The following FOXP2 variants were observed in gnomAD, a reference collection of about 807,000 sequenced individuals.
FOXP2 encodes forkhead box protein P2.
A neutral mutation model predicts 115.8 loss-of-function variants in FOXP2; 12 were observed. The ratio of observed to expected loss-of-function variants is 0.10; its 90% CI spans 0.07 to 0.17. The LOEUF is 0.17. Among genes scored for constraint, FOXP2 ranks in the 10% least tolerant of loss-of-function variants. FOXP2 has a pLI of 1.00. For missense variants in FOXP2, 629 were observed against 843.5 expected (o/e 0.75, Z 3.15); for synonymous variants, 328 against 297.7 (o/e 1.10, Z -1.05).
At chr7:114,246,207 TA>T (rs1212245043) in intron 1 of FOXP2, among the ~76,000 whole-genome samples, 1 of 152,102 alleles carries the variant, frequency 6.6e-6, no homozygotes, top group African/African-American at 2.4e-5. Flanking sequence ...TTTCTAAAGC[TA>T]AAATACCACT....
chr7:114,594,200 C>T (rs955497082), intron 3 of FOXP2, among the ~76,000 whole-genome samples: 6 of 151,820 alleles, frequency 4.0e-5, no homozygotes, highest in Non-Finnish European at 5.9e-5. Flanking sequence ...TACATAATTC[C>T]TTCATACAAT....
At chr7:114,685,780 G>T (rs1333221280) in intron 16 of FOXP2, among the ~76,000 whole-genome samples, 1 of 152,062 alleles carries the variant, frequency 6.6e-6, no homozygotes, top group African/African-American at 2.4e-5. Flanking sequence ...TCTTATATCT[G>T]TGATACTCCT....
chr7:114,271,747 C>A (rs1796056298), intron 1 of FOXP2, among the ~76,000 whole-genome samples: 2 of 111,810 alleles, frequency 1.8e-5, no homozygotes, highest in African/African-American at 3.7e-5. Context: ...AATACATATG[C>A]ATTAAATATA....
In FOXP2 at chr7:114,659,654, G is replaced by A. The variant is rs1158865993; in HGVS notation, c.1628G>A (p.Arg543His). Reference sequence around the variant, plus strand: ...ACACGGACATTTGCTTACTTCAGGCGTAATGCAGCAACTTGGAAGGTAACT... The same window carrying A: ...ACACGGACATTTGCTTACTTCAGGCATAATGCAGCAACTTGGAAGGTAACT... ...WFTRTFAYFR[R>H]NAATWKNAVR... The change falls in exon 13 of 17, where the codon CGT becomes CAT. Residue 543 changes from arginine to histidine, a missense_variant. This residue lies in a region of FOXP2 where 26 missense variants were observed against 61.1 expected (regional missense o/e 0.43). Transcript: ENST00000350908. The A allele has an allele frequency of 5.6e-6, 9 of 1,613,532 alleles. No homozygotes were observed. Among genetic ancestry groups the A allele is most frequent in the African/African-American group, 1.3e-5 (1 of 75,004 alleles).
At chr7:114,565,488 A>T (rs1424321248) in intron 3 of FOXP2, among the ~76,000 whole-genome samples, 1 of 152,160 alleles carries the variant, frequency 6.6e-6, no homozygotes, top group Non-Finnish European at 1.5e-5. Flanking sequence ...ATATCCCTGG[A>T]CGCTATACCA....
chr7:114,622,020 G>A (rs541813290), intron 3 of FOXP2, among the ~76,000 whole-genome samples: 2 of 152,044 alleles, frequency 1.3e-5, no homozygotes, highest in East Asian at 3.9e-4. Flanking sequence ...CAACCAAAGG[G>A]TATAGTAAAT....
rs1184139348 is a variant in FOXP2, at chr7:114,690,833, A to G, written c.*907A>G. The G allele has an allele frequency of 2.2e-6, 1 of 454,542 alleles. No homozygotes were observed. Among genetic ancestry groups the G allele is most frequent in the East Asian group, 6.9e-5 (1 of 14,394 alleles). 28.2% of individuals were successfully genotyped at this position (454,542 alleles called of 1,614,324 possible). On this transcript the variant is annotated 3_prime_UTR_variant, in exon 17 of 17. Coordinates refer to ENST00000350908, the MANE Select transcript of FOXP2 (RefSeq NM_014491.4). ...TCAGCCTTCTGTAACTTCAATTAGT[A>G]CAAAGGAACCTTTTCCATGAACTAC... is the stretch of plus-strand genomic sequence containing the variant.
At chr7:114,229,732 A>G (rs1278090711) in intron 1 of FOXP2, among the ~76,000 whole-genome samples, 1 of 151,696 alleles carries the variant, frequency 6.6e-6, no homozygotes, top group African/African-American at 2.4e-5. Context: ...GACTTATGGA[A>G]TGTCACAAAA....
intron 2 of FOXP2, among the ~76,000 whole-genome samples, chr7:114,530,209 C>T (rs1365326281): frequency 2.6e-5 from 4 of 151,766 alleles, no homozygotes; most frequent in Non-Finnish European, 5.9e-5. Flanking sequence ...TATCTGAAAC[C>T]AATTACAGGA....
intron 3 of FOXP2, among the ~76,000 whole-genome samples, chr7:114,547,782 T>C (rs558149897): frequency 5.9e-5 from 9 of 152,180 alleles, no homozygotes; most frequent in Admixed American, 3.9e-4. Context: ...TGTATGTGAT[T>C]ACAAGTAAGA....
chr7:114,595,001 G>A lies in FOXP2; in HGVS notation c.259-33539G>A, dbSNP rs117569737. 3.0e-4 allele frequency among the ~76,000 whole-genome samples: 46 copies of A among 152,072 alleles called. No homozygotes were observed. In the East Asian group the frequency reaches 7.9e-3, roughly 26 times the overall value. Reference sequence around the variant, plus strand: ...ATTAACAACAGTGATTTCAAACCTCGTACTTCACCCTTTAAGACTGTTTAT... The same window carrying A: ...ATTAACAACAGTGATTTCAAACCTCATACTTCACCCTTTAAGACTGTTTAT... On this transcript the variant is annotated intron_variant, in intron 3 of 16. Transcript: ENST00000350908.
chr7:114,489,383 G>A (rs1317560565), intron 2 of FOXP2, among the ~76,000 whole-genome samples: 1 of 152,094 alleles, frequency 6.6e-6, no homozygotes, highest in African/African-American at 2.4e-5. Flanking sequence ...CTTGGAAATA[G>A]TCAATTCATC....
At chr7:114,155,101 T>A (rs1268736291) in intron 1 of FOXP2, among the ~76,000 whole-genome samples, 1 of 152,172 alleles carries the variant, frequency 6.6e-6, no homozygotes, top group Non-Finnish European at 1.5e-5. Flanking sequence ...TTAGTACTCC[T>A]GTTTCTGACT....
At chr7:114,232,466 T>C (rs925993672) in intron 1 of FOXP2, among the ~76,000 whole-genome samples, 1 of 152,158 alleles carries the variant, frequency 6.6e-6, no homozygotes, top group Non-Finnish European at 1.5e-5. Context: ...ACACCCTAAA[T>C]GCCCATTAAT....
upstream of FOXP2, chr7:114,087,707 C>T (rs998629029): frequency 2.0e-5 from 3 of 150,668 alleles, no homozygotes; most frequent in African/African-American, 7.3e-5. Flanking sequence ...GCGCCTCTGC[C>T]CACCCGCGAG....
intron 2 of FOXP2, among the ~76,000 whole-genome samples, chr7:114,314,694 A>T (rs1299809356): frequency 1.3e-5 from 2 of 152,206 alleles, no homozygotes; most frequent in Non-Finnish European, 2.9e-5. Context: ...CACTTGCTGA[A>T]TTAATGAGTA....
At chr7:114,550,674 A>G (rs7801324) in intron 3 of FOXP2, among the ~76,000 whole-genome samples, 26,138 of 152,128 alleles carry the variant, frequency 0.17, 2,685 homozygotes, top group African/African-American at 0.29. Flanking sequence ...CCTTGAGGGC[A>G]TCAGAACTTG....
chr7:114,573,305 A>T (rs1486952901), intron 3 of FOXP2, among the ~76,000 whole-genome samples: 1 of 151,858 alleles, frequency 6.6e-6, no homozygotes, highest in Non-Finnish European at 1.5e-5. Flanking sequence ...ATGTGATTTA[A>T]AATCAATATA....
At chr7:114,577,941 CAG>C (rs931406259) in intron 3 of FOXP2, among the ~76,000 whole-genome samples, 6 of 150,840 alleles carry the variant, frequency 4.0e-5, no homozygotes, top group African/African-American at 9.8e-5. Context: ...CATAAATTCA[CAG>C]AGAGTTGTGC....
Sources: gnomAD v4.1 joint callset for allele counts (sites outside exome capture counted in the v4.1 genomes callset) on GRCh38, gnomAD v4.1.1 for gene constraint, gnomAD v4.1.1 regional missense constraint, MANE v1.5 for transcripts, NCBI Gene and HGNC (gene_info 2026-07-23, HGNC 2026-07-21) for gene names.